The following HECTD4 variants were observed in gnomAD, a reference collection of about 807,000 sequenced individuals.
HECTD4 encodes HECT domain E3 ubiquitin protein ligase 4.
A neutral mutation model predicts 471.5 loss-of-function variants in HECTD4; 114 were observed. That is an observed-to-expected ratio of 0.24 (90% CI 0.21 to 0.28). The LOEUF is 0.28. Ranked by LOEUF, HECTD4 falls within the 10% of genes least tolerant of loss-of-function variation. The pLI is 1.00. For missense variants in HECTD4, 3,866 were observed against 5,651.5 expected, an observed-to-expected ratio of 0.68 and a Z score of 10.13; for synonymous variants, 2,012 against 2,256.0, an observed-to-expected ratio of 0.89 and a Z score of 3.07.
rs11066193 is a variant in HECTD4, at chr12:112,209,940, A to C, written c.7867+75T>G. On this transcript the variant is annotated intron_variant, in intron 50 of 75. Transcript: ENST00000682272. ...GATTGTAATGAGGATGCTCAAGTGC[A>C]ATGGGTTTATGGAATTCATAACATT... 0.04 allele frequency: 48,785 copies of C among 1,234,498 alleles called. 9,653 individuals carry two copies. In the East Asian group the frequency reaches 0.64, roughly 16 times the overall value. 76.5% of individuals were successfully genotyped at this position (1,234,498 alleles called of 1,614,324 possible). A position where few individuals can be genotyped will look rare whatever the true frequency, so the allele number is the denominator to read the frequency against.
chr12:112,181,241 A>G (rs1305866045), intron 62 of HECTD4, among the ~76,000 whole-genome samples: 1 of 152,170 alleles, frequency 6.6e-6, no homozygotes, highest in East Asian at 1.9e-4. Flanking sequence ...GACCCATATC[A>G]GAGCCTGAGG....
intron 3 of HECTD4, among the ~76,000 whole-genome samples, chr12:112,313,414 A>C (rs867037106): frequency 6.6e-5 from 10 of 151,036 alleles, no homozygotes; most frequent in South Asian, 2.1e-4. Context: ...TCCTGGGTTC[A>C]AGCGATTCTC....
rs756279603 is a variant in HECTD4 at position 112,231,525 on chromosome 12, G to A, written c.6188C>T (p.Ser2063Leu). ...AQTSICRERN[S>L]ELARTDPVRP... ...GTGGAAGGTTTACCTTGCAAGCTCC[G>A]AGTTCCTCTCTCGGCAAATGGAAGT... Residue 2063 changes from serine to leucine, a missense_variant, in exon 39 of 76, where the codon TCG (serine) becomes TTG (leucine). This residue lies in a region of HECTD4 where 617 missense variants were observed against 915.1 expected (regional missense o/e 0.67). Coordinates refer to ENST00000682272, the MANE Select transcript of HECTD4 (RefSeq NM_001388303.1). 7 of 1,613,868 alleles carry A rather than the reference G, an allele frequency of 4.3e-6. No individual in the cohort carries two copies. Among genetic ancestry groups the A allele is most frequent in the South Asian group, 1.1e-5 (1 of 91,066 alleles).
chr12:112,260,453 A>T (rs1281935042), intron 18 of HECTD4, among the ~76,000 whole-genome samples: 1 of 152,228 alleles, frequency 6.6e-6, no homozygotes, highest in Non-Finnish European at 1.5e-5. Flanking sequence ...AACCAAGTCC[A>T]TAGGAACAGA....
chr12:112,208,852 A>G (rs1011767526), intron 50 of HECTD4, among the ~76,000 whole-genome samples: 1 of 151,072 alleles, frequency 6.6e-6, no homozygotes, highest in African/African-American at 2.4e-5. Flanking sequence ...AATTCAGAGA[A>G]GACTTTAGAA....
At chr12:112,165,563 G>A (rs1487856189) in intron 72 of HECTD4, among the ~76,000 whole-genome samples, 2 of 151,838 alleles carry the variant, frequency 1.3e-5, no homozygotes, top group Non-Finnish European at 2.9e-5. Flanking sequence ...GTGTTAGCCA[G>A]GATGGTCTCA....
At chr12:112,267,982 G>A (rs1355227868) in intron 13 of HECTD4, among the ~76,000 whole-genome samples, 1 of 152,002 alleles carries the variant, frequency 6.6e-6, no homozygotes, top group African/African-American at 2.4e-5. Context: ...CAGGGCATCG[G>A]GCTAATTTTG....
chr12:112,223,806 G>A (rs2033160370), intron 44 of HECTD4, among the ~76,000 whole-genome samples: 1 of 152,148 alleles, frequency 6.6e-6, no homozygotes. Flanking sequence ...TTTAGATAGA[G>A]ACGCTATAAA....
At chr12:112,328,962 C>T (rs1214656128) in intron 1 of HECTD4, among the ~76,000 whole-genome samples, 1 of 152,206 alleles carries the variant, frequency 6.6e-6, no homozygotes, top group Non-Finnish European at 1.5e-5. Flanking sequence ...CTTCATATAA[C>T]TGCTGGTGAC....
chr12:112,208,434 A>G, intron 51 of HECTD4, 60 bp downstream of exon 51: 2 of 1,471,564 alleles, frequency 1.4e-6, no homozygotes, highest in Admixed American at 2.6e-5. Flanking sequence ...GGCTTGTCCT[A>G]GTCACTAGGG....
chr12:112,160,788 G>A lies in HECTD4; in HGVS notation c.*1599C>T, dbSNP rs1487965356. On this transcript the variant is annotated 3_prime_UTR_variant, in exon 76 of 76. Coordinates refer to ENST00000682272, the MANE Select transcript of HECTD4 (RefSeq NM_001388303.1). ...TGGCTGTGACCCCCCACACTCAAAGGAGCTGTGGCCGCTGGGGAGGCAGCG... is the reference window on the plus strand; with the variant it reads ...TGGCTGTGACCCCCCACACTCAAAGAAGCTGTGGCCGCTGGGGAGGCAGCG... 6.7e-6 allele frequency: 1 copy of A among 148,580 alleles called. No homozygotes were observed. Among genetic ancestry groups the A allele is most frequent in the Non-Finnish European group, 1.5e-5 (1 of 65,996 alleles). 9.2% of individuals were successfully genotyped at this position (148,580 alleles called of 1,614,324 possible).
chr12:112,197,490 C>A (rs2032281675), intron 55 of HECTD4, among the ~76,000 whole-genome samples: 1 of 152,204 alleles, frequency 6.6e-6, no homozygotes, highest in South Asian at 2.1e-4. Context: ...CCCAGCTAAC[C>A]AAAGTCTTCT....
At chr12:112,254,224 A>T in intron 21 of HECTD4, 62 bp from the exon 22 acceptor site, 1 of 1,578,312 alleles carries the variant, frequency 6.3e-7, no homozygotes, top group Admixed American at 1.8e-5. Context: ...ATCTACAAAT[A>T]AAAAGGCTGC....
chr12:112,252,944 G>A (rs2033925278), intron 22 of HECTD4, among the ~76,000 whole-genome samples: 1 of 151,912 alleles, frequency 6.6e-6, no homozygotes, highest in Non-Finnish European at 1.5e-5. Flanking sequence ...TGAATAGCTG[G>A]AACTACAAGT....
chr12:112,261,596 A>G, intron 17 of HECTD4, 167 bp from the exon 18 acceptor site: 1 of 654,648 alleles, frequency 1.5e-6, no homozygotes, highest in Non-Finnish European at 2.5e-6. Flanking sequence ...GGTGGCCAGA[A>G]TAAGCCCAAA....
intron 44 of HECTD4, among the ~76,000 whole-genome samples, chr12:112,225,863 A>G (rs2033220604): frequency 6.6e-6 from 1 of 152,174 alleles, no homozygotes; most frequent in Non-Finnish European, 1.5e-5. Context: ...CCTGGGCTCA[A>G]GCGATCCTCC....
intron 7 of HECTD4, among the ~76,000 whole-genome samples, chr12:112,295,638 C>A (rs1006179135): frequency 5.3e-5 from 8 of 150,992 alleles, no homozygotes; most frequent in African/African-American, 1.7e-4. Flanking sequence ...CTGTACCTGG[C>A]CCTTTTTTTC....
intron 49 of HECTD4, 43 bp from the exon 50 acceptor site, chr12:112,210,295 T>C: frequency 6.3e-7 from 1 of 1,589,420 alleles, no homozygotes; most frequent in Non-Finnish European, 8.6e-7. Flanking sequence ...GACTTACGTT[T>C]ATTTTTATTT....
chr12:112,184,562 G>A lies in HECTD4; in HGVS notation c.10404C>T (p.Ser3468=), dbSNP rs768150854. 9.3e-6 allele frequency: 15 copies of A among 1,613,354 alleles called. No homozygotes were observed. Among genetic ancestry groups the A allele is most frequent in the South Asian group, 8.8e-5 (8 of 91,080 alleles). The change falls in exon 61 of 76, where the codon AGC becomes AGT. Residue 3468 remains serine, a synonymous_variant. Coordinates refer to ENST00000682272, the MANE Select transcript of HECTD4 (RefSeq NM_001388303.1). The surrounding 1 kb of genome is among the most constrained non-coding windows in gnomAD (Gnocchi z 9.1). The part of the protein sequence containing the change: ...EKTLAFPGTD[S]MEVSTSSSLT... ...GGCTGCTGGACGTGCTGACCTCCAT[G>A]CTGTCTGTGCCGGGGAAGGCCAGTG...
Sources: allele counts gnomAD v4.1 joint callset (sites outside exome capture counted in the v4.1 genomes callset), GRCh38; gene constraint gnomAD v4.1.1; regional missense constraint gnomAD v4.1.1; non-coding constraint Gnocchi (gnomAD v3.1); transcripts MANE v1.5; gene names NCBI Gene and HGNC (gene_info 2026-07-23, HGNC 2026-07-21).